The following BMP8B variants were observed in gnomAD, a reference collection of about 807,000 sequenced individuals.
BMP8B encodes bone morphogenetic protein 8b.
In BMP8B, 17 loss-of-function variants were observed where a neutral mutation model predicts 30.3. The observed-to-expected ratio is 0.56, with a 90% CI of 0.38 to 0.84. The LOEUF (loss-of-function observed/expected upper bound fraction) is 0.84, where lower values mean the gene tolerates loss of function less well. Ranked by LOEUF, BMP8B falls within the 40% of genes least tolerant of loss-of-function variation. The pLI, the probability that BMP8B is intolerant of heterozygous loss-of-function variation, is 0.00. For synonymous variants in BMP8B, 131 were observed against 214.7 expected, an observed-to-expected ratio of 0.61 and a Z score of 3.41; for missense variants, 253 against 494.6, an observed-to-expected ratio of 0.51 and a Z score of 4.63.
rs138727248 is a variant in BMP8B, at chr1:39,776,625, G to A, written c.335-1587C>T. ...CGTGTGTGGGCAGGAGGAGGTGGCC[G>A]CTCATCCCAGCCCAGGGCGGAGAAG... On this transcript the variant is annotated intron_variant, in intron 1 of 6. Coordinates refer to ENST00000372827, the MANE Select transcript of BMP8B (RefSeq NM_001720.5). Among the ~76,000 whole-genome samples, 86 of 152,298 alleles carry A rather than the reference G, an allele frequency of 5.6e-4. 1 individual carries two copies. The East Asian group carries it at 0.01, about 18-fold the overall frequency.
chr1:39,764,074 C>G (rs1275175272), intron 4 of BMP8B, among the ~76,000 whole-genome samples: 1 of 149,978 alleles, frequency 6.7e-6, no homozygotes, highest in African/African-American at 2.5e-5. Flanking sequence ...CCAGCAGGAC[C>G]CTCGGCCATC....
At chr1:39,769,811 G>C (rs377118062) in intron 3 of BMP8B, 1 of 1,613,698 alleles carries the variant, frequency 6.2e-7, no homozygotes, top group Non-Finnish European at 8.5e-7. Context: ...CTCCCTCAGC[G>C]TCAGCTCTTT....
intron 6 of BMP8B, 47 bp downstream of exon 6, chr1:39,763,045 A>T: frequency 6.3e-7 from 1 of 1,596,930 alleles, no homozygotes; most frequent in Non-Finnish European, 8.6e-7. Context: ...CCCTCTCCAC[A>T]GGGCCCCCCA....
rs147897246 is a variant in BMP8B at position 39,760,534 on chromosome 1, G to A, written c.1094C>T (p.Ala365Val). The A allele has an allele frequency of 1.0e-4, 167 of 1,613,906 alleles. No homozygotes were observed. In the African/African-American group the frequency reaches 1.1e-3, roughly 11 times the overall value. ...HLMMPDAVPKACCAPTKLSAT... is the reference protein window; with the variant it reads ...HLMMPDAVPKVCCAPTKLSAT... The stretch of plus-strand genomic sequence containing the variant: ...GCTCAGCTTGGTGGGTGCACAGCAC[G>A]CCTTGGGGACTGCGTCTGGCATCAT... The change falls in exon 7 of 7, where the codon GCG (alanine) becomes GTG (valine). Residue 365 changes from alanine (A) to valine (V), a missense_variant. Physicochemically the swap from Ala to Val is moderately conservative, Grantham distance 64. Coordinates refer to ENST00000372827, the MANE Select transcript of BMP8B (RefSeq NM_001720.5).
chr1:39,788,015 C>A lies in BMP8B; in HGVS notation c.334+137G>T, dbSNP rs1275154891. On this transcript the variant is annotated intron_variant, in intron 1 of 6. Transcript: ENST00000372827. The surrounding 1 kb of genome is among the most constrained non-coding windows in gnomAD (Gnocchi z 5.8). ...ACCCTTAGACCTTCCCTAACCACGG[C>A]GGTCCCACTCCCCTGTGGTTCGCGT... 1.5e-6 allele frequency: 2 copies of A among 1,313,512 alleles called. No homozygotes were observed. Among genetic ancestry groups the A allele is most frequent in the Non-Finnish European group, 2.0e-6 (2 of 1,025,034 alleles). The allele number at this position is 1,313,512 out of a possible 1,614,324, so 81.4% of individuals were successfully genotyped here.
In BMP8B at chr1:39,788,409, C is replaced by T. The variant is rs1190011795; in HGVS notation, c.77G>A (p.Arg26Gln). The T allele has an allele frequency of 5.6e-6, 6 of 1,065,158 alleles. No homozygotes were observed. Among genetic ancestry groups the T allele is most frequent in the Non-Finnish European group, 5.7e-6 (5 of 883,280 alleles). 66.0% of individuals were successfully genotyped at this position (1,065,158 alleles called of 1,614,324 possible). A position where few individuals can be genotyped will look rare whatever the true frequency, so the allele number is the denominator to read the frequency against. ...TCGCTGGGGACAGCCGGGCGGGGGT[C>T]GCAGGCCGGGGCCGCCCCCGCCCAG... is the stretch of plus-strand genomic sequence containing the variant. ...CALGGGGPGL[R>Q]PPPGCPQRRL... The change falls in exon 1 of 7, where the codon CGA becomes CAA. Residue 26 changes from arginine to glutamine, a missense_variant. Arg to Gln is a conservative substitution (Grantham distance 43). Transcript: ENST00000372827. This position sits in a 1 kb window ranked among gnomAD's most constrained non-coding sequence, Gnocchi z 5.8.
At chr1:39,776,714 A>C (rs567417281) in intron 1 of BMP8B, among the ~76,000 whole-genome samples, 16 of 152,252 alleles carry the variant, frequency 1.1e-4, no homozygotes, top group Non-Finnish European at 2.1e-4. Context: ...TTTTGGTCAG[A>C]AATAATACTT....
At position 39,788,074 on chromosome 1, in the gene BMP8B, C is replaced by T. The variant is rs186218298; in HGVS notation, c.334+78G>A. The T allele has an allele frequency of 2.2e-3, 3,146 of 1,405,724 alleles. 61 individuals carry two copies. In the African/African-American group the frequency reaches 0.043, roughly 19 times the overall value. The allele number at this position is 1,405,724 out of a possible 1,614,324, so 87.1% of individuals were successfully genotyped here. On this transcript the variant is annotated intron_variant, in intron 1 of 6. Transcript: ENST00000372827. This position sits in a 1 kb window ranked among gnomAD's most constrained non-coding sequence, Gnocchi z 5.8. ...TGTGACTCCCCGTTCGGCCAGGGCC[C>T]GGCACAGCCCGCGGATGCGCGCCCC... is the stretch of plus-strand genomic sequence containing the variant.
In BMP8B at chr1:39,788,171, G is replaced by C; in HGVS notation, c.315C>G (p.Val105=). ...ACTCACCCATGTTAACGAAGCTCAT[G>C]ACCAGGTCGGCGCGGCCCAGGCGCC... ...AERRLGRADL[V]MSFVNMVERD... Residue 105 remains valine, a synonymous_variant, in exon 1 of 7, where the codon GTC becomes GTG. Coordinates refer to ENST00000372827, the MANE Select transcript of BMP8B (RefSeq NM_001720.5). The surrounding 1 kb of genome is among the most constrained non-coding windows in gnomAD (Gnocchi z 5.8). The C allele has an allele frequency of 1.3e-6, 2 of 1,574,410 alleles. No individual in the cohort carries two copies. The highest frequency in any genetic ancestry group is 1.7e-6 in the Non-Finnish European group (2 of 1,170,198).
chr1:39,785,812 C>T (rs1356198991), intron 1 of BMP8B, among the ~76,000 whole-genome samples: 1 of 152,184 alleles, frequency 6.6e-6, no homozygotes, highest in Non-Finnish European at 1.5e-5. Flanking sequence ...TCCATGCCCC[C>T]CCACCGCCCC....
intron 1 of BMP8B, among the ~76,000 whole-genome samples, chr1:39,775,728 T>C (rs979971202): frequency 6.6e-6 from 1 of 152,226 alleles, no homozygotes; most frequent in African/African-American, 2.4e-5. Context: ...GAGACCCACG[T>C]TTCCTTTCTG....
At chr1:39,775,708 C>CA (rs1243364303) in intron 1 of BMP8B, among the ~76,000 whole-genome samples, 11 of 152,224 alleles carry the variant, frequency 7.2e-5, no homozygotes, top group African/African-American at 2.2e-4. Context: ...CAGGAAACAG[C>CA]AGAGGGCAGG....
intron 3 of BMP8B, chr1:39,771,417 G>A: frequency 1.3e-6 from 1 of 775,732 alleles, no homozygotes; most frequent in African/African-American, 2.0e-5. Context: ...ACCCGCAACA[G>A]GGAGGGGGCC....
At chr1:39,785,515 A>C (rs2124512450) in intron 1 of BMP8B, among the ~76,000 whole-genome samples, 1 of 152,312 alleles carries the variant, frequency 6.6e-6, no homozygotes. Context: ...GGCCTATGAG[A>C]GCCCCGCCCC....
chr1:39,781,564 G>C (rs1013049246), intron 1 of BMP8B, among the ~76,000 whole-genome samples: 1 of 152,220 alleles, frequency 6.6e-6, no homozygotes, highest in African/African-American at 2.4e-5. Flanking sequence ...CGTGTAAATT[G>C]TATCTTAGGT....
rs1354220543 is a variant in BMP8B, at chr1:39,759,338, C to G, written c.*1081G>C. On this transcript the variant is annotated 3_prime_UTR_variant, in exon 7 of 7. Coordinates refer to ENST00000372827, the MANE Select transcript of BMP8B (RefSeq NM_001720.5). ...CAGCCTGTTTTTGATGGCCCCTGGC[C>G]TCGCCCCAGACCCGGTCACAGGCTG... 1.3e-5 allele frequency: 2 copies of G among 152,346 alleles called. No individual in the cohort carries two copies. Among genetic ancestry groups the G allele is most frequent in the African/African-American group, 4.8e-5 (2 of 41,476 alleles). The allele number at this position is 152,346 out of a possible 1,614,324, so 9.4% of individuals were successfully genotyped here.
In BMP8B at chr1:39,788,684, T is replaced by A; in HGVS notation, c.-199A>T. 9.5e-6 allele frequency: 3 copies of A among 314,540 alleles called. No individual in the cohort carries two copies. Among genetic ancestry groups the A allele is most frequent in the Non-Finnish European group, 1.4e-5 (3 of 217,344 alleles). The allele number at this position is 314,540 out of a possible 1,614,324, so 19.5% of individuals were successfully genotyped here. Reference sequence around the variant, plus strand: ...GCCGCGCGACACCTGTCCTGGCTCCTGGACGAGAGGACGCGGACGCCACCG... The same window carrying A: ...GCCGCGCGACACCTGTCCTGGCTCCAGGACGAGAGGACGCGGACGCCACCG... On this transcript the variant is annotated 5_prime_UTR_variant, in exon 1 of 7. Coordinates refer to ENST00000372827, the MANE Select transcript of BMP8B (RefSeq NM_001720.5). This position sits in a 1 kb window ranked among gnomAD's most constrained non-coding sequence, Gnocchi z 5.8.
chr1:39,775,098 G>A (rs1287677445), intron 1 of BMP8B, 60 bp from the exon 2 acceptor site: 11 of 1,535,968 alleles, frequency 7.2e-6, no homozygotes, highest in Non-Finnish European at 9.7e-6. Context: ...GGAGGGGGCA[G>A]AGCTGGTGTG....
At position 39,788,466 on chromosome 1, in the gene BMP8B, GGGCCGGGGAGCGCGGTCATGGCA is replaced by G. The variant is rs1345503645; in HGVS notation, c.-4_19del. On this transcript the variant is annotated start_lost and 5_prime_UTR_variant, in exon 1 of 7. Coordinates refer to ENST00000372827, the MANE Select transcript of BMP8B (RefSeq NM_001720.5). This position sits in a 1 kb window ranked among gnomAD's most constrained non-coding sequence, Gnocchi z 5.8. ...TAGCGCCAGGCCCAGGAGCCAGAGC[GGGCCGGGGAGCGCGGTCATGGCA>G]GGCCGGGGGCGCTCAGCTGGGGCGC... 6.8e-6 allele frequency: 7 copies of G among 1,024,544 alleles called. No individual in the cohort carries two copies. Among genetic ancestry groups the G allele is most frequent in the Non-Finnish European group, 8.2e-6 (7 of 857,086 alleles). 63.5% of individuals were successfully genotyped at this position (1,024,544 alleles called of 1,614,324 possible).
Sources: allele counts gnomAD v4.1 joint callset (sites outside exome capture counted in the v4.1 genomes callset), GRCh38; gene constraint gnomAD v4.1.1; non-coding constraint Gnocchi (gnomAD v3.1); transcripts MANE v1.5; gene names NCBI Gene and HGNC (gene_info 2026-07-23, HGNC 2026-07-21).